The following CCDC117 variants were observed in gnomAD, a reference collection of about 807,000 sequenced individuals.
The protein encoded by CCDC117 is coiled-coil domain containing 117, also known as coiled-coil domain-containing protein 117.
A neutral mutation model predicts 23.5 loss-of-function variants in CCDC117; 1 was observed. The ratio of observed to expected loss-of-function variants is 0.04; its 90% confidence interval spans 0.02 to 0.20. CCDC117 has a LOEUF of 0.20. Among genes scored for constraint, CCDC117 ranks in the 10% least tolerant of loss-of-function variants. CCDC117 has a pLI of 1.00. For missense variants in CCDC117, 383 were observed against 348.2 expected, an observed-to-expected ratio of 1.10 and a Z score of -0.80; for synonymous variants, 132 against 124.8, an observed-to-expected ratio of 1.06 and a Z score of -0.39.
chr22:28,773,000 C>T lies in CCDC117; in HGVS notation c.151C>T (p.Pro51Ser), dbSNP rs894775503. ...CCCGCGGCCGGGACCTCGCGCAGTC[C>T]CTAGCAGTCCCGCTGGGAGTGCGGC... ...LAPRPGPRAV[P>S]SSPAGSAARG... is the part of the protein sequence containing the mutation. The change falls in exon 1 of 5, where the codon CCT becomes TCT. Residue 51 changes from proline (P) to serine (S), a missense_variant. Physicochemically the swap from Pro to Ser is moderately conservative, Grantham distance 74. Transcript: ENST00000249064. The T allele has an allele frequency of 3.4e-6, 4 of 1,193,522 alleles. No homozygotes were observed. The highest frequency in any genetic ancestry group is 9.0e-5 in the Admixed American group (2 of 22,264). 73.9% of individuals were successfully genotyped at this position (1,193,522 alleles called of 1,614,324 possible).
intron 4 of CCDC117, among the ~76,000 whole-genome samples, chr22:28,785,273 T>C (rs1209836513): frequency 6.6e-6 from 1 of 151,918 alleles, no homozygotes; most frequent in Non-Finnish European, 1.5e-5. Flanking sequence ...ACCACAGCCT[T>C]GACCTCCTGG....
At chr22:28,774,937 C>T (rs2031119911) in intron 2 of CCDC117, among the ~76,000 whole-genome samples, 1 of 152,090 alleles carries the variant, frequency 6.6e-6, no homozygotes, top group Non-Finnish European at 1.5e-5. Context: ...CATATCAGCA[C>T]ATAGAGAGAG....
In CCDC117 at chr22:28,773,024, G is replaced by C; in HGVS notation, c.175G>C (p.Ala59Pro). The C allele has an allele frequency of 8.5e-7, 1 of 1,178,966 alleles. No homozygotes were observed. The highest frequency in any genetic ancestry group is 1.0e-6 in the Non-Finnish European group (1 of 953,886). 73.0% of individuals were successfully genotyped at this position (1,178,966 alleles called of 1,614,324 possible). Residue 59 changes from alanine (A) to proline (P), a missense_variant, in exon 1 of 5, where the codon GCG (alanine) becomes CCG (proline). Physicochemically the swap from Ala to Pro is conservative, Grantham distance 27 (BLOSUM62 -1). Coordinates refer to ENST00000249064, the MANE Select transcript of CCDC117 (RefSeq NM_173510.4). ...AVPSSPAGSAARGRVSVHCKK... is the reference protein window; with the variant it reads ...AVPSSPAGSAPRGRVSVHCKK... ...CCCTAGCAGTCCCGCTGGGAGTGCG[G>C]CGCGCGGACGGTGAGGAGCCCGTCG... is the stretch of plus-strand genomic sequence containing the variant.
chr22:28,773,633 GA>G, intron 1 of CCDC117, 91 bp from the exon 2 acceptor site: 1 of 1,025,196 alleles, frequency 9.8e-7, no homozygotes, highest in African/African-American at 1.6e-5. Context: ...GGTATGTGGG[GA>G]TGAGCAAGAT....
Position 28,786,232 on chromosome 22 carries a change from G to T in CCDC117, c.746G>T (p.Arg249Ile). 1 of 1,614,116 alleles carries T rather than the reference G, an allele frequency of 6.2e-7. No homozygotes were observed. Among genetic ancestry groups the T allele is most frequent in the Non-Finnish European group, 8.5e-7 (1 of 1,180,020 alleles). The change falls in exon 5 of 5, where the codon AGA (arginine) becomes ATA (isoleucine). Residue 249 changes from arginine to isoleucine, a missense_variant. Transcript: ENST00000249064. ...HVAAGTAFPQ[R>I]TELFSEPRPT... Reference sequence around the variant, plus strand: ...GCTGCTGGCACTGCCTTCCCTCAGAGAACTGAACTGTTTTCGGAACCTCGG... The same window carrying T: ...GCTGCTGGCACTGCCTTCCCTCAGATAACTGAACTGTTTTCGGAACCTCGG...
intron 2 of CCDC117, among the ~76,000 whole-genome samples, chr22:28,777,646 A>G (rs114209416): frequency 0.013 from 1,906 of 151,510 alleles, 44 homozygotes; most frequent in African/African-American, 0.044. Flanking sequence ...AGTTGCTGGG[A>G]CCACAGGCTT....
chr22:28,776,734 G>A (rs1433383289), intron 2 of CCDC117, among the ~76,000 whole-genome samples: 2 of 152,236 alleles, frequency 1.3e-5, no homozygotes. Context: ...ACAGGCATGT[G>A]CCTCCATGCT....
chr22:28,777,849 A>C (rs1449055479), intron 2 of CCDC117, among the ~76,000 whole-genome samples: 6 of 150,546 alleles, frequency 4.0e-5, no homozygotes, highest in Admixed American at 4.0e-4. Flanking sequence ...TTTTTCTTAT[A>C]GGAATTTTTT....
At chr22:28,783,896 C>T (rs898856898) in intron 4 of CCDC117, among the ~76,000 whole-genome samples, 1 of 152,120 alleles carries the variant, frequency 6.6e-6, no homozygotes, top group Admixed American at 6.5e-5. Context: ...CTGCAGTCTG[C>T]TATTTGGAAA....
At chr22:28,785,943 AAAGT>A in intron 4 of CCDC117, 142 bp from the exon 5 acceptor site, 1 of 605,148 alleles carries the variant, frequency 1.7e-6, no homozygotes, top group East Asian at 2.8e-5. Flanking sequence ...AAAAAAAAAG[AAAGT>A]AAAGATCAGT....
At position 28,788,153 on chromosome 22, in the gene CCDC117, A is replaced by G. The variant is rs532083533; in HGVS notation, c.*1827A>G. The G allele has an allele frequency of 4.6e-5, 7 of 152,686 alleles. No homozygotes were observed. The highest frequency in any genetic ancestry group is 8.8e-5 in the Non-Finnish European group (6 of 68,050). 9.5% of individuals were successfully genotyped at this position (152,686 alleles called of 1,614,324 possible). On this transcript the variant is annotated 3_prime_UTR_variant, in exon 5 of 5. Coordinates refer to ENST00000249064, the MANE Select transcript of CCDC117 (RefSeq NM_173510.4). ...ATTGAAAGCAGTTGGAAACCAGCTA[A>G]TAGTTTCTTAATCTCAGATTTCGAG...
chr22:28,780,344 T>C (rs2031282214), intron 2 of CCDC117, among the ~76,000 whole-genome samples: 1 of 152,168 alleles, frequency 6.6e-6, no homozygotes, highest in Admixed American at 6.5e-5. Context: ...ATTAATACTT[T>C]GAACAAACCT....
At chr22:28,773,674 C>T in intron 1 of CCDC117, 51 bp from the exon 2 acceptor site, 2 of 1,467,320 alleles carry the variant, frequency 1.4e-6, no homozygotes, top group East Asian at 2.3e-5. Flanking sequence ...ATACTGAAAC[C>T]ACAAGCTCGA....
intron 2 of CCDC117, among the ~76,000 whole-genome samples, chr22:28,780,649 C>T (rs1170776549): frequency 6.6e-6 from 1 of 152,196 alleles, no homozygotes; most frequent in African/African-American, 2.4e-5. Flanking sequence ...TTACTTCCCA[C>T]TTGACCTTTC....
At chr22:28,784,021 GA>G (rs1300180186) in intron 4 of CCDC117, among the ~76,000 whole-genome samples, 1 of 151,898 alleles carries the variant, frequency 6.6e-6, no homozygotes, top group African/African-American at 2.4e-5. Context: ...TGCGGCCTAG[GA>G]AAAAAAATAA....
intron 1 of CCDC117, 32 bp from the exon 2 acceptor site, chr22:28,773,692 TC>T (rs1356268603): frequency 8.2e-6 from 13 of 1,582,364 alleles, no homozygotes; most frequent in African/African-American, 1.3e-5. Context: ...CGAGTACATT[TC>T]TTAATTGACT....
Position 28,786,563 on chromosome 22 carries a change from T to C in CCDC117, c.*237T>C, listed in dbSNP as rs1040979633. 1 of 470,000 alleles carries C rather than the reference T, an allele frequency of 2.1e-6. No individual in the cohort carries two copies. Among genetic ancestry groups the C allele is most frequent in the Admixed American group, 3.9e-5 (1 of 25,850 alleles). The allele number at this position is 470,000 out of a possible 1,614,324, so 29.1% of individuals were successfully genotyped here. A position where few individuals can be genotyped will look rare whatever the true frequency, so the allele number is the denominator to read the frequency against. ...TCTGTGGGGCTTATTAAAGGAATGTTGGTTTACATTGTCTTCAAAGACAAG... is the reference window on the plus strand; with the variant it reads ...TCTGTGGGGCTTATTAAAGGAATGTCGGTTTACATTGTCTTCAAAGACAAG... On this transcript the variant is annotated 3_prime_UTR_variant, in exon 5 of 5. Coordinates refer to ENST00000249064, the MANE Select transcript of CCDC117 (RefSeq NM_173510.4).
chr22:28,775,100 A>C (rs1035792634), intron 2 of CCDC117, among the ~76,000 whole-genome samples: 1 of 152,188 alleles, frequency 6.6e-6, no homozygotes, highest in Non-Finnish European at 1.5e-5. Flanking sequence ...CATCTCTATT[A>C]AAATACAAAA....
At chr22:28,777,057 T>C (rs2146246458) in intron 2 of CCDC117, among the ~76,000 whole-genome samples, 1 of 142,480 alleles carries the variant, frequency 7.0e-6, no homozygotes, top group Admixed American at 7.1e-5. Flanking sequence ...TTTTTTGAGA[T>C]GGCATCTTGC....
Sources: allele counts gnomAD v4.1 joint callset (sites outside exome capture counted in the v4.1 genomes callset), GRCh38; gene constraint gnomAD v4.1.1; transcripts MANE v1.5; gene names NCBI Gene and HGNC (gene_info 2026-07-23, HGNC 2026-07-21).